The following STIL variants were observed in gnomAD, a reference collection of about 807,000 sequenced individuals.
The protein encoded by STIL is STIL centriolar assembly protein, also known as SCL-interrupting locus protein.
STIL carries 55 observed loss-of-function variants against 110.1 expected under a neutral mutation model. The observed-to-expected ratio is 0.50, with a 90% CI of 0.40 to 0.63. STIL has a LOEUF of 0.63. Among genes scored for constraint, STIL ranks in the 20% least tolerant of loss-of-function variants. The pLI is 0.00. For missense variants in STIL, 1,358 were observed against 1,530.0 expected (o/e 0.89, Z 1.87); for synonymous variants, 481 against 530.0 (o/e 0.91, Z 1.27).
In STIL at chr1:47,250,911, G is replaced by A. The variant is rs1644165882; in HGVS notation, c.*225C>T. 1.9e-6 allele frequency: 1 copy of A among 521,088 alleles called. No homozygotes were observed. The highest frequency in any genetic ancestry group is 3.6e-5 in the Admixed American group (1 of 27,524). 32.3% of individuals were successfully genotyped at this position (521,088 alleles called of 1,614,324 possible). On this transcript the variant is annotated 3_prime_UTR_variant, in exon 17 of 17. Transcript: ENST00000371877. ...AACTTGTAGGAATAACTGATCTCAG[G>A]GCTTTTCTTAAAGGTTTCAGTGATG...
chr1:47,255,322 T>C (rs1229849118), intron 16 of STIL, among the ~76,000 whole-genome samples: 1 of 152,204 alleles, frequency 6.6e-6, no homozygotes, highest in African/African-American at 2.4e-5. Flanking sequence ...GTTAGCCACA[T>C]GTCAACAATT....
At chr1:47,295,669 A>G in intron 7 of STIL, 96 bp downstream of exon 7, 2 of 848,820 alleles carry the variant, frequency 2.4e-6, no homozygotes, top group South Asian at 1.4e-5. Flanking sequence ...GCTTTATAAA[A>G]TGATCTAAAT....
At chr1:47,286,680 C>T (rs1238329940) in intron 10 of STIL, among the ~76,000 whole-genome samples, 2 of 151,360 alleles carry the variant, frequency 1.3e-5, no homozygotes, top group East Asian at 1.9e-4. Context: ...GGCGACAGAG[C>T]GAGGCTCTGT....
At chr1:47,279,188 CAGG>C (rs1227394779) in intron 12 of STIL, among the ~76,000 whole-genome samples, 1 of 149,968 alleles carries the variant, frequency 6.7e-6, no homozygotes, top group Non-Finnish European at 1.5e-5. Context: ...GCGGCTGAGG[CAGG>C]AGAATGGCGT....
chr1:47,295,585 A>G (rs190791058), intron 7 of STIL, among the ~76,000 whole-genome samples, 180 bp downstream of exon 7: 1 of 152,108 alleles, frequency 6.6e-6, no homozygotes, highest in Non-Finnish European at 1.5e-5. Context: ...TCTCAAAAAA[A>G]AGATTGGGTA....
At chr1:47,293,635 G>A (rs1351496035) in intron 7 of STIL, 91 bp from the exon 8 acceptor site, 1 of 1,018,580 alleles carries the variant, frequency 9.8e-7, no homozygotes, top group Non-Finnish European at 1.5e-6. Flanking sequence ...TAGACGTATG[G>A]CTTTTATCAG....
At chr1:47,266,513 C>T (rs1292929640) in intron 14 of STIL, among the ~76,000 whole-genome samples, 1 of 152,176 alleles carries the variant, frequency 6.6e-6, no homozygotes, top group Non-Finnish European at 1.5e-5. Flanking sequence ...AGGCACATAC[C>T]ACCACACCCA....
At position 47,250,631 on chromosome 1, in the gene STIL, C is replaced by CG. The variant is rs1426659272; in HGVS notation, c.*504_*505insC. On this transcript the variant is annotated 3_prime_UTR_variant, in exon 17 of 17. Transcript: ENST00000371877. Reference sequence around the variant, plus strand: ...GGTCGGGAGTTTGAGACCAGCCTGACCAACATGGAGAAACCAGTCTCTACT... The same window carrying CG: ...GGTCGGGAGTTTGAGACCAGCCTGACGCAACATGGAGAAACCAGTCTCTACT... The CG allele has an allele frequency of 1.9e-5, 3 of 160,100 alleles. No individual in the cohort carries two copies. The highest frequency in any genetic ancestry group is 4.1e-5 in the Non-Finnish European group (3 of 72,920). The allele number at this position is 160,100 out of a possible 1,614,324, so 9.9% of individuals were successfully genotyped here.
At chr1:47,292,110 C>T (rs1446238891) in intron 8 of STIL, among the ~76,000 whole-genome samples, 3 of 151,576 alleles carry the variant, frequency 2.0e-5, no homozygotes, top group African/African-American at 7.3e-5. Flanking sequence ...GATCCTCCTG[C>T]CTCAGCCTCC....
chr1:47,254,404 A>T (rs1644271415), intron 16 of STIL, among the ~76,000 whole-genome samples: 1 of 152,150 alleles, frequency 6.6e-6, no homozygotes, highest in Non-Finnish European at 1.5e-5. Flanking sequence ...TACTTTTGGA[A>T]GTCTTTTTCT....
chr1:47,263,095 T>G lies in STIL; in HGVS notation c.2637A>C (p.Arg879Ser). The change falls in exon 15 of 17, where the codon AGA (arginine) becomes AGC (serine). Residue 879 changes from arginine to serine, a missense_variant. Arg to Ser is a moderately radical substitution (Grantham distance 110). Transcript: ENST00000371877. Reference protein sequence around the residue: ...SVSNSSSLVVRKEPDVPVFFP... With the variant: ...SVSNSSSLVVSKEPDVPVFFP... Reference sequence around the variant, plus strand: ...AGAACACAGGTACATCAGGTTCTTTTCTCACAACTAGAGAAGAGCTGCTGG... The same window carrying G: ...AGAACACAGGTACATCAGGTTCTTTGCTCACAACTAGAGAAGAGCTGCTGG... 6.2e-7 allele frequency: 1 copy of G among 1,614,180 alleles called. No homozygotes were observed.
chr1:47,275,009 G>A lies in STIL; in HGVS notation c.2218-2768C>T, dbSNP rs182663872. On this transcript the variant is annotated intron_variant, in intron 12 of 16. Coordinates refer to ENST00000371877, the MANE Select transcript of STIL (RefSeq NM_001048166.1). ...TCTACTAAAACCACAAAAATTAGCC[G>A]GGCATGGTGGCACACGGCTGCAATC... 5.9e-3 allele frequency among the ~76,000 whole-genome samples: 889 copies of A among 151,692 alleles called. 7 individuals are homozygous for A. Among genetic ancestry groups the A allele is most frequent in the African/African-American group, 0.02 (829 of 41,358 alleles).
At chr1:47,314,756 C>T (rs1250446422), upstream of STIL, among the ~76,000 whole-genome samples, 3 of 150,720 alleles carry the variant, frequency 2.0e-5, no homozygotes, top group South Asian at 2.1e-4. Flanking sequence ...GGTGGAATCT[C>T]ACTCCGTCGC....
chr1:47,267,010 T>C (rs1644673328), intron 14 of STIL, among the ~76,000 whole-genome samples: 1 of 152,234 alleles, frequency 6.6e-6, no homozygotes, highest in South Asian at 2.1e-4. Flanking sequence ...TTTCATGCTT[T>C]TTTCTGTAAC....
At chr1:47,252,085 A>G (rs1455084752) in intron 16 of STIL, among the ~76,000 whole-genome samples, 163 bp from the exon 17 acceptor site, 1 of 152,228 alleles carries the variant, frequency 6.6e-6, no homozygotes, top group Non-Finnish European at 1.5e-5. Flanking sequence ...CCAGATACAC[A>G]AAGGATACAT....
chr1:47,273,992 G>A (rs1644913345), intron 12 of STIL, among the ~76,000 whole-genome samples: 1 of 152,142 alleles, frequency 6.6e-6, no homozygotes, highest in South Asian at 2.1e-4. Context: ...ACCACTATGA[G>A]CTTCAATATC....
At chr1:47,275,114 C>T (rs1156875164) in intron 12 of STIL, among the ~76,000 whole-genome samples, 1 of 150,852 alleles carries the variant, frequency 6.6e-6, no homozygotes, top group Non-Finnish European at 1.5e-5. Flanking sequence ...CCAGTGCCCT[C>T]CAGCCTGGGT....
intron 14 of STIL, among the ~76,000 whole-genome samples, chr1:47,268,991 G>GGAGGCT (rs141668132): frequency 0.42 from 63,458 of 150,578 alleles, 15,495 homozygotes; most frequent in South Asian, 0.55. Flanking sequence ...CAGCTACACG[G>GGAGGCT]GAGGCAGGAG....
At chr1:47,290,295 GTTAAAC>G (rs1471005918) in intron 8 of STIL, among the ~76,000 whole-genome samples, 3 of 152,146 alleles carry the variant, frequency 2.0e-5, no homozygotes, top group African/African-American at 4.8e-5. Context: ...GAAAAATATT[GTTAAAC>G]TTAAATGACA....
Sources: allele counts gnomAD v4.1 joint callset (sites outside exome capture counted in the v4.1 genomes callset), GRCh38; gene constraint gnomAD v4.1.1; transcripts MANE v1.5; gene names NCBI Gene and HGNC (gene_info 2026-07-23, HGNC 2026-07-21).